The following NEK6 variants were observed in gnomAD, a reference collection of about 807,000 sequenced individuals.
NEK6 encodes the protein NIMA related kinase 6.
In NEK6, 27 loss-of-function variants were observed where a neutral mutation model predicts 43.5. The observed-to-expected ratio is 0.62, with a 90% confidence interval of 0.46 to 0.86. NEK6 has a LOEUF of 0.86. NEK6 is among the 40% of genes least tolerant of loss of function. The probability of loss-of-function intolerance (pLI) is 0.00; values close to 1 mark genes in which losing one functional copy is unlikely to be tolerated. For synonymous variants in NEK6, 167 were observed against 164.1 expected, an observed-to-expected ratio of 1.02 and a Z score of -0.14; for missense variants, 318 against 414.4, an observed-to-expected ratio of 0.77 and a Z score of 2.02.
At chr9:124,261,445 C>T (rs1025634476) in intron 1 of NEK6, 15 of 985,448 alleles carry the variant, frequency 1.5e-5, no homozygotes, top group East Asian at 1.1e-4. Context: ...AGATTAAATA[C>T]GGGCAGGCAC....
At chr9:124,310,660 C>T (rs576736350) in intron 2 of NEK6, among the ~76,000 whole-genome samples, 3 of 152,276 alleles carry the variant, frequency 2.0e-5, no homozygotes, top group East Asian at 1.9e-4. Context: ...TGCAGTAGCA[C>T]GATCTAGGCC....
intron 3 of NEK6, 123 bp downstream of exon 3, chr9:124,312,772 C>G: frequency 1.0e-6 from 1 of 979,672 alleles, no homozygotes; most frequent in Non-Finnish European, 1.5e-6. Flanking sequence ...GCACTCAACT[C>G]ACTGGGTTAC....
chr9:124,338,499 T>C (rs1197606464), intron 7 of NEK6, among the ~76,000 whole-genome samples: 1 of 152,270 alleles, frequency 6.6e-6, no homozygotes, highest in Non-Finnish European at 1.5e-5. Context: ...GGGATGATTT[T>C]CTCCCAGTCT....
intron 1 of NEK6, among the ~76,000 whole-genome samples, chr9:124,288,697 G>C (rs996526022): frequency 6.6e-6 from 1 of 152,158 alleles, no homozygotes; most frequent in Non-Finnish European, 1.5e-5. Flanking sequence ...CCTACAAGAT[G>C]GGTCCTACTG....
At chr9:124,317,336 T>G (rs192365466) in intron 4 of NEK6, among the ~76,000 whole-genome samples, 1 of 152,200 alleles carries the variant, frequency 6.6e-6, no homozygotes, top group East Asian at 1.9e-4. Flanking sequence ...CACTACAACC[T>G]CCGAGTAGCT....
intron 1 of NEK6, among the ~76,000 whole-genome samples, chr9:124,294,195 G>T (rs1454376230): frequency 1.3e-5 from 2 of 152,134 alleles, no homozygotes; most frequent in African/African-American, 2.4e-5. Flanking sequence ...GCGAAACCCC[G>T]TCTCTACTAA....
At chr9:124,293,596 A>T (rs1159471743) in intron 1 of NEK6, among the ~76,000 whole-genome samples, 1 of 152,192 alleles carries the variant, frequency 6.6e-6, no homozygotes, top group Non-Finnish European at 1.5e-5. Context: ...TGTGCGGCCC[A>T]GTTGGTTTTG....
intron 3 of NEK6, 89 bp downstream of exon 3, chr9:124,312,738 C>A: frequency 1.4e-6 from 2 of 1,383,268 alleles, no homozygotes; most frequent in South Asian, 1.4e-5. Flanking sequence ...CCTTCTCTCC[C>A]CTCTTCTGTG....
chr9:124,313,755 G>T (rs867110281), intron 3 of NEK6, among the ~76,000 whole-genome samples, 168 bp from the exon 4 acceptor site: 1 of 152,104 alleles, frequency 6.6e-6, no homozygotes, highest in Non-Finnish European at 1.5e-5. Flanking sequence ...GTGCTGGGGG[G>T]ACCCACAGTG....
chr9:124,307,594 C>T (rs1003591165), intron 2 of NEK6, among the ~76,000 whole-genome samples: 2 of 152,226 alleles, frequency 1.3e-5, no homozygotes, highest in African/African-American at 2.4e-5. Flanking sequence ...CCCTGTCCCC[C>T]GGCCCCTCGA....
At chr9:124,350,749 GA>G in intron 9 of NEK6, 87 bp from the exon 10 acceptor site, 1 of 891,784 alleles carries the variant, frequency 1.1e-6, no homozygotes, top group Non-Finnish European at 1.8e-6. Flanking sequence ...CTCTGAGGAT[GA>G]AGTGCCTTCA....
chr9:124,326,298 G>A lies in NEK6; in HGVS notation c.406-32G>A, dbSNP rs1332897148. ...CCCACCTCCAAGCCCGCTCACCCGG[G>A]CCTATCCCTCTGCTTGTCTCCCCCA... On this transcript the variant is annotated intron_variant, in intron 5 of 9. Coordinates refer to ENST00000320246, the MANE Select transcript of NEK6 (RefSeq NM_014397.6). The surrounding 1 kb of genome is among the most constrained non-coding windows in gnomAD (Gnocchi z 4.5). The A allele has an allele frequency of 7.4e-6, 11 of 1,482,918 alleles. No homozygotes were observed. The South Asian group carries it at 1.2e-4, about 17-fold the overall frequency. 91.9% of individuals were successfully genotyped at this position (1,482,918 alleles called of 1,614,324 possible).
chr9:124,290,680 C>T (rs562817028), intron 1 of NEK6, among the ~76,000 whole-genome samples: 66 of 152,366 alleles, frequency 4.3e-4, no homozygotes, highest in African/African-American at 1.6e-3. Context: ...CTCTCACAGA[C>T]TGGGTGGCGG....
chr9:124,288,723 A>G (rs1588463043), intron 1 of NEK6, among the ~76,000 whole-genome samples: 1 of 152,104 alleles, frequency 6.6e-6, no homozygotes, highest in Admixed American at 6.5e-5. Context: ...ACTAGTTTAT[A>G]AAAGAGGGAA....
chr9:124,326,480 C>A lies in NEK6; in HGVS notation c.514+42C>A. The A allele has an allele frequency of 6.9e-7, 1 of 1,443,914 alleles. No homozygotes were observed. The highest frequency in any genetic ancestry group is 9.6e-7 in the Non-Finnish European group (1 of 1,036,702). 89.4% of individuals were successfully genotyped at this position (1,443,914 alleles called of 1,614,324 possible). On this transcript the variant is annotated intron_variant, in intron 6 of 9. Coordinates refer to ENST00000320246, the MANE Select transcript of NEK6 (RefSeq NM_014397.6). The surrounding 1 kb of genome is among the most constrained non-coding windows in gnomAD (Gnocchi z 4.5). ...AGGAGCCGCCCGGAGCCACCTGGAGCCCAGGAAGACACTTCCTCATGGCTC... is the reference window on the plus strand; with the variant it reads ...AGGAGCCGCCCGGAGCCACCTGGAGACCAGGAAGACACTTCCTCATGGCTC...
chr9:124,332,919 G>A (rs1457056306), intron 7 of NEK6, among the ~76,000 whole-genome samples: 1 of 152,136 alleles, frequency 6.6e-6, no homozygotes, highest in African/African-American at 2.4e-5. Flanking sequence ...AAGAGGAGGG[G>A]GCGGTGGGAG....
At chr9:124,281,487 C>CCT in intron 1 of NEK6, among the ~76,000 whole-genome samples, 1 of 102,968 alleles carries the variant, frequency 9.7e-6, no homozygotes, top group African/African-American at 3.9e-5. Context: ...GCTGTTTTTT[C>CCT]TTTTTTTTTT....
chr9:124,303,131 G>A (rs1430664058), intron 2 of NEK6, among the ~76,000 whole-genome samples: 1 of 152,260 alleles, frequency 6.6e-6, no homozygotes. Flanking sequence ...GCAAAGGCCT[G>A]GAGGGGACAG....
At chr9:124,266,864 C>T (rs1393909231) in intron 1 of NEK6, among the ~76,000 whole-genome samples, 1 of 152,188 alleles carries the variant, frequency 6.6e-6, no homozygotes, top group African/African-American at 2.4e-5. Flanking sequence ...CTGGCCCTTC[C>T]CTGGGAGAAG....
Sources: allele counts gnomAD v4.1 joint callset (sites outside exome capture counted in the v4.1 genomes callset), GRCh38; gene constraint gnomAD v4.1.1; non-coding constraint Gnocchi (gnomAD v3.1); transcripts MANE v1.5; gene names NCBI Gene and HGNC (gene_info 2026-07-23, HGNC 2026-07-21).